The following SPIDR variants were observed in gnomAD, a reference collection of about 807,000 sequenced individuals.
SPIDR encodes the protein DNA repair-scaffolding protein.
In SPIDR, 93 loss-of-function variants were observed where a neutral mutation model predicts 104.6. The observed-to-expected ratio is 0.89, with a 90% CI of 0.75 to 1.06. SPIDR has a LOEUF of 1.06. Among genes scored for constraint, SPIDR ranks in the 50% least tolerant of loss-of-function variants. SPIDR has a pLI of 0.00. For missense variants in SPIDR, 1,154 were observed against 1,111.2 expected (o/e 1.04, Z -0.55); for synonymous variants, 431 against 416.9 (o/e 1.03, Z -0.41).
chr8:47,484,097 T>G (rs1437312031), intron 8 of SPIDR, among the ~76,000 whole-genome samples: 1 of 152,210 alleles, frequency 6.6e-6, no homozygotes, highest in Admixed American at 6.5e-5. Flanking sequence ...GCTGGGGTTG[T>G]AGGAGTATTC....
chr8:47,543,698 A>G, intron 8 of SPIDR, among the ~76,000 whole-genome samples: 1 of 152,214 alleles, frequency 6.6e-6, no homozygotes, highest in East Asian at 1.9e-4. Context: ...AGCATGATCC[A>G]GGGGTGGAAT....
intron 8 of SPIDR, among the ~76,000 whole-genome samples, chr8:47,582,243 T>A: frequency 6.6e-6 from 1 of 152,040 alleles, no homozygotes. Context: ...AACTGCTTGT[T>A]TTTTAAGGTA....
At chr8:47,412,432 G>A (rs782484539) in intron 7 of SPIDR, among the ~76,000 whole-genome samples, 15 of 152,232 alleles carry the variant, frequency 9.9e-5, no homozygotes, top group South Asian at 2.1e-4. Context: ...AAAGGCTGGC[G>A]GTCATTCTCT....
At chr8:47,376,004 G>A (rs2058626476) in intron 5 of SPIDR, among the ~76,000 whole-genome samples, 1 of 152,128 alleles carries the variant, frequency 6.6e-6, no homozygotes, top group African/African-American at 2.4e-5. Context: ...CATTTTACAT[G>A]ACCTTAGGAT....
intron 5 of SPIDR, among the ~76,000 whole-genome samples, chr8:47,320,560 C>T (rs142364188): frequency 6.6e-6 from 1 of 152,104 alleles, no homozygotes; most frequent in African/African-American, 2.4e-5. Flanking sequence ...CTATTCCAAT[C>T]AATAGAAAAA....
At chr8:47,529,179 T>C (rs1219317464) in intron 8 of SPIDR, among the ~76,000 whole-genome samples, 2 of 152,170 alleles carry the variant, frequency 1.3e-5, no homozygotes, top group South Asian at 2.1e-4. Context: ...CCTAACACTT[T>C]GGGAGGCTGA....
At chr8:47,469,509 T>A (rs2075373122) in intron 8 of SPIDR, among the ~76,000 whole-genome samples, 1 of 151,854 alleles carries the variant, frequency 6.6e-6, no homozygotes, top group South Asian at 2.1e-4. Flanking sequence ...GAAAATGTGG[T>A]GTGTATATAC....
intron 8 of SPIDR, among the ~76,000 whole-genome samples, chr8:47,530,532 A>G (rs2085796450): frequency 6.6e-6 from 1 of 152,176 alleles, no homozygotes; most frequent in Non-Finnish European, 1.5e-5. Context: ...TATGGTATAA[A>G]GGTTAAAAAT....
intron 10 of SPIDR, among the ~76,000 whole-genome samples, chr8:47,631,775 T>C (rs144317911): frequency 1.9e-3 from 291 of 152,298 alleles, no homozygotes; most frequent in African/African-American, 6.8e-3. Flanking sequence ...ATAATGAAAT[T>C]TACTTTCTAA....
intron 19 of SPIDR, among the ~76,000 whole-genome samples, chr8:47,734,708 C>T (rs764275874): frequency 1.1e-4 from 16 of 152,156 alleles, no homozygotes; most frequent in Non-Finnish European, 1.5e-4. Context: ...TGCACCACAC[C>T]CTCTCAGCCT....
intron 4 of SPIDR, among the ~76,000 whole-genome samples, chr8:47,292,952 GT>G (rs1372326680): frequency 6.6e-6 from 1 of 152,056 alleles, no homozygotes; most frequent in Non-Finnish European, 1.5e-5. Flanking sequence ...GGGCACTTGT[GT>G]TTTTCCCTTG....
At chr8:47,443,593 A>C (rs1554698984) in intron 8 of SPIDR, among the ~76,000 whole-genome samples, 2 of 133,502 alleles carry the variant, frequency 1.5e-5, no homozygotes, top group Admixed American at 7.1e-5. Context: ...AAAAAAAAAC[A>C]CCTCATACTT....
At chr8:47,688,082 A>G (rs1424501025) in intron 11 of SPIDR, among the ~76,000 whole-genome samples, 1 of 150,108 alleles carries the variant, frequency 6.7e-6, no homozygotes, top group Non-Finnish European at 1.5e-5. Flanking sequence ...AACTTTATGG[A>G]AACAGCATCA....
chr8:47,713,378 T>C, intron 15 of SPIDR, 111 bp from the exon 16 acceptor site: 2 of 1,472,732 alleles, frequency 1.4e-6, no homozygotes, highest in Non-Finnish European at 1.9e-6. Flanking sequence ...CACAGTCCCA[T>C]AACTGCACCT....
intron 8 of SPIDR, among the ~76,000 whole-genome samples, chr8:47,486,506 A>C (rs946479250): frequency 2.6e-5 from 4 of 152,200 alleles, no homozygotes; most frequent in African/African-American, 9.7e-5. Flanking sequence ...AGAACGCCAC[A>C]AAGATACTCC....
chr8:47,398,825 G>T (rs1218186791), intron 6 of SPIDR, among the ~76,000 whole-genome samples: 1 of 152,176 alleles, frequency 6.6e-6, no homozygotes, highest in Non-Finnish European at 1.5e-5. Context: ...GGGGTGTGGA[G>T]GGAGAGACTG....
intron 5 of SPIDR, among the ~76,000 whole-genome samples, chr8:47,363,427 C>T (rs782276690): frequency 2.0e-5 from 3 of 149,644 alleles, no homozygotes; most frequent in Admixed American, 6.7e-5. Flanking sequence ...AGAATGGTCT[C>T]GATCTCCTGA....
At chr8:47,670,285 A>G (rs2154471205) in intron 10 of SPIDR, among the ~76,000 whole-genome samples, 1 of 152,278 alleles carries the variant, frequency 6.6e-6, no homozygotes, top group African/African-American at 2.4e-5. Context: ...GGAGGCCTTT[A>G]AATGGTGTAT....
At chr8:47,594,671 A>T (rs1238720790) in intron 8 of SPIDR, among the ~76,000 whole-genome samples, 1 of 152,002 alleles carries the variant, frequency 6.6e-6, no homozygotes, top group African/African-American at 2.4e-5. Flanking sequence ...TGGCTCCTTC[A>T]GCTCAAAACC....
Sources: allele counts gnomAD v4.1 joint callset (sites outside exome capture counted in the v4.1 genomes callset), GRCh38; gene constraint gnomAD v4.1.1; transcripts MANE v1.5; gene names NCBI Gene and HGNC (gene_info 2026-07-23, HGNC 2026-07-21).